RALYL: variants seen among roughly 807,000 people sequenced by gnomAD.
RALYL encodes RALY RNA binding protein like.
Under a neutral mutation model 35.1 loss-of-function variants are expected in RALYL, and 29 were observed. The observed-to-expected ratio is 0.83, with a 90% confidence interval of 0.61 to 1.13. RALYL has a LOEUF of 1.13. Ranked by LOEUF, RALYL falls within the 50% of genes most tolerant of loss-of-function variation. The pLI, the probability that RALYL is intolerant of heterozygous loss-of-function variation, is 0.00. For synonymous variants in RALYL, 120 were observed against 127.6 expected (o/e 0.94, Z 0.40); for missense variants, 359 against 360.4 (o/e 1.00, Z 0.03).
intron 1 of RALYL, among the ~76,000 whole-genome samples, chr8:84,190,455 A>G (rs527430487): frequency 9.8e-5 from 15 of 152,326 alleles, no homozygotes; most frequent in Admixed American, 3.9e-4. Flanking sequence ...AACATAAACT[A>G]TAGTGGAAAC....
intron 2 of RALYL, among the ~76,000 whole-genome samples, chr8:84,759,913 C>T (rs1316758905): frequency 6.6e-6 from 1 of 152,072 alleles, no homozygotes; most frequent in Non-Finnish European, 1.5e-5. Flanking sequence ...GTCTAGACCT[C>T]CACCAGTGAT....
chr8:84,633,730 T>G (rs1824430005), intron 2 of RALYL, among the ~76,000 whole-genome samples: 1 of 151,806 alleles, frequency 6.6e-6, no homozygotes, highest in Non-Finnish European at 1.5e-5. Flanking sequence ...ACTGTATGGG[T>G]CATATCACTT....
At chr8:84,455,526 A>G (rs900043349) in intron 1 of RALYL, among the ~76,000 whole-genome samples, 1 of 152,066 alleles carries the variant, frequency 6.6e-6, no homozygotes, top group Non-Finnish European at 1.5e-5. Flanking sequence ...TAGAGAAAAT[A>G]TAGTTTCTAT....
chr8:84,646,779 C>T (rs1827592699), intron 2 of RALYL, among the ~76,000 whole-genome samples: 2 of 151,990 alleles, frequency 1.3e-5, no homozygotes, highest in South Asian at 4.1e-4. Context: ...CTTCCATCTA[C>T]TGTCAATAAC....
intron 1 of RALYL, among the ~76,000 whole-genome samples, chr8:84,350,618 T>G (rs1850712223): frequency 6.7e-6 from 1 of 149,984 alleles, no homozygotes; most frequent in African/African-American, 2.5e-5. Flanking sequence ...ACTAGTAAAC[T>G]TCACAAAGCC....
Position 84,183,480 on chromosome 8 carries a change from A to C in RALYL, c.-968A>C, listed in dbSNP as rs1811748738. ...CGAGTCACGTGTCAGTGCCTGAGGC[A>C]GAGACTGCGAGAAAAAAACGCGCTT... On this transcript the variant is annotated 5_prime_UTR_variant, in exon 1 of 9. Transcript: ENST00000521268. The C allele has an allele frequency of 6.6e-6, 1 of 152,512 alleles. No homozygotes were observed. 9.4% of individuals were successfully genotyped at this position (152,512 alleles called of 1,614,324 possible).
At chr8:84,771,212 C>T (rs1342869476) in intron 2 of RALYL, among the ~76,000 whole-genome samples, 1 of 151,962 alleles carries the variant, frequency 6.6e-6, no homozygotes, top group Non-Finnish European at 1.5e-5. Context: ...GGCCCTAATT[C>T]ATTTTCTCTC....
chr8:84,831,681 G>C (rs774672449), intron 4 of RALYL, among the ~76,000 whole-genome samples: 1 of 152,022 alleles, frequency 6.6e-6, no homozygotes, highest in Non-Finnish European at 1.5e-5. Context: ...ATAGTGATGA[G>C]ATTTTTTAAA....
intron 1 of RALYL, among the ~76,000 whole-genome samples, chr8:84,501,684 A>C (rs1273020064): frequency 6.6e-6 from 1 of 151,832 alleles, no homozygotes; most frequent in East Asian, 1.9e-4. Flanking sequence ...ATCTATATTT[A>C]TTTATAAATC....
At chr8:84,249,082 G>C (rs191591213) in intron 1 of RALYL, among the ~76,000 whole-genome samples, 2 of 152,054 alleles carry the variant, frequency 1.3e-5, no homozygotes, top group East Asian at 3.9e-4. Context: ...ATTTTAAAAA[G>C]AACTGTGTTG....
At chr8:84,806,872 C>T (rs891462929) in intron 4 of RALYL, among the ~76,000 whole-genome samples, 1 of 152,016 alleles carries the variant, frequency 6.6e-6, no homozygotes, top group African/African-American at 2.4e-5. Context: ...AATTAGCTGG[C>T]CGTGGTGCCG....
chr8:84,541,087 G>T (rs1183049270), intron 2 of RALYL, among the ~76,000 whole-genome samples: 1 of 150,278 alleles, frequency 6.7e-6, no homozygotes, highest in East Asian at 1.9e-4. Context: ...TCTATGGCAT[G>T]TTTGTTTTTG....
intron 1 of RALYL, among the ~76,000 whole-genome samples, chr8:84,272,853 G>T (rs1834596450): frequency 6.6e-6 from 1 of 152,086 alleles, no homozygotes; most frequent in African/African-American, 2.4e-5. Flanking sequence ...CAATAGGATG[G>T]TTTCTTCATT....
At chr8:84,768,657 G>A (rs532516202) in intron 2 of RALYL, among the ~76,000 whole-genome samples, 26 of 152,316 alleles carry the variant, frequency 1.7e-4, no homozygotes, top group East Asian at 7.7e-4. Context: ...CCAGCAAAGC[G>A]AGAGAAGTAT....
At chr8:84,660,416 CT>C (rs1830688342) in intron 2 of RALYL, among the ~76,000 whole-genome samples, 1 of 152,024 alleles carries the variant, frequency 6.6e-6, no homozygotes, top group African/African-American at 2.4e-5. Context: ...TCTTGGTTAA[CT>C]TTTCCCCCTC....
Position 84,472,238 on chromosome 8 carries a change from C to A in RALYL, c.-23-57061C>A, listed in dbSNP as rs150635093. 1.5e-3 allele frequency among the ~76,000 whole-genome samples: 226 copies of A among 152,144 alleles called. 2 individuals carry two copies. Among genetic ancestry groups the A allele is most frequent in the African/African-American group, 4.7e-3 (196 of 41,524 alleles). On this transcript the variant is annotated intron_variant, in intron 1 of 8. Coordinates refer to ENST00000521268, the MANE Select transcript of RALYL (RefSeq NM_173848.7). ...AGAACTTCCTGTATCCCTGGCTATG[C>A]AAATTTGTGTGTATAAGGTATGCTT... is the stretch of plus-strand genomic sequence containing the variant.
At chr8:84,850,750 G>A (rs1835681177) in intron 5 of RALYL, among the ~76,000 whole-genome samples, 3 of 152,196 alleles carry the variant, frequency 2.0e-5, no homozygotes, top group African/African-American at 7.2e-5. Context: ...ACAGGATACG[G>A]AGTAGGCATC....
At chr8:84,398,750 G>A (rs111481284) in intron 1 of RALYL, among the ~76,000 whole-genome samples, 9 of 152,108 alleles carry the variant, frequency 5.9e-5, no homozygotes, top group East Asian at 1.9e-4. Flanking sequence ...AAAGCGGGTC[G>A]ATCACCTGAG....
At chr8:84,659,271 C>A (rs996741733) in intron 2 of RALYL, among the ~76,000 whole-genome samples, 2 of 152,036 alleles carry the variant, frequency 1.3e-5, no homozygotes, top group Non-Finnish European at 2.9e-5. Context: ...AGAAGTGGAA[C>A]TGTGATGTGG....
Sources: allele counts gnomAD v4.1 joint callset (sites outside exome capture counted in the v4.1 genomes callset), GRCh38; gene constraint gnomAD v4.1.1; transcripts MANE v1.5; gene names NCBI Gene and HGNC (gene_info 2026-07-23, HGNC 2026-07-21).